KATNAL2: variants seen among roughly 807,000 people sequenced by gnomAD.
KATNAL2 encodes katanin p60 ATPase-containing subunit A-like 2.
Under a neutral mutation model 76.3 loss-of-function variants are expected in KATNAL2, and 52 were observed. The observed-to-expected ratio is 0.68, with a 90% CI of 0.55 to 0.86. KATNAL2 has a LOEUF of 0.86. Among genes scored for constraint, KATNAL2 ranks in the 40% least tolerant of loss-of-function variants. The probability of loss-of-function intolerance (pLI) is 0.00; values close to 1 mark genes in which losing one functional copy is unlikely to be tolerated. For synonymous variants in KATNAL2, 243 were observed against 244.2 expected (o/e 1.00, Z 0.05); for missense variants, 660 against 668.9 (o/e 0.99, Z 0.15).
At chr18:47,067,229 G>A (rs997264301) in intron 11 of KATNAL2, 110 bp downstream of exon 11, 14 of 472,572 alleles carry the variant, frequency 3.0e-5, no homozygotes, top group South Asian at 4.4e-5. Context: ...CTGTCCACAC[G>A]TTAACTCTTT....
chr18:46,960,616 A>T (rs1361593772), intron 3 of KATNAL2, among the ~76,000 whole-genome samples: 1 of 152,184 alleles, frequency 6.6e-6, no homozygotes. Context: ...AAAACATATG[A>T]AGCTGCTCTC....
intron 15 of KATNAL2, among the ~76,000 whole-genome samples, chr18:47,088,777 TA>T (rs1342161888): frequency 6.6e-6 from 1 of 152,238 alleles, no homozygotes; most frequent in East Asian, 1.9e-4. Context: ...AAGTTGTCTC[TA>T]TCTGTGGGAT....
In KATNAL2 at chr18:46,921,651, A is replaced by G. The variant is rs1599281023; in HGVS notation, c.-510+3725A>G. On this transcript the variant is annotated intron_variant, in intron 1 of 17. Transcript: ENST00000683218. ...GATGGTAAATTTTTTGTATCTAAACAGCTAAGCTGATTTTGAATCTAAACA... is the reference window on the plus strand; with the variant it reads ...GATGGTAAATTTTTTGTATCTAAACGGCTAAGCTGATTTTGAATCTAAACA... Among the ~76,000 whole-genome samples the G allele has an allele frequency of 2.0e-5, 3 of 152,212 alleles. No homozygotes were observed. In the East Asian group the frequency reaches 5.8e-4, roughly 29 times the overall value.
intron 15 of KATNAL2, among the ~76,000 whole-genome samples, chr18:47,080,096 T>A (rs779512865): frequency 7.9e-5 from 12 of 152,178 alleles, no homozygotes; most frequent in Non-Finnish European, 1.6e-4. Flanking sequence ...TAACAGAACT[T>A]TCCCTCTTCC....
At chr18:47,074,352 AACC>A (rs1330837609) in intron 13 of KATNAL2, among the ~76,000 whole-genome samples, 1 of 152,168 alleles carries the variant, frequency 6.6e-6, no homozygotes, top group Non-Finnish European at 1.5e-5. Context: ...TGAAAACCAC[AACC>A]TGACTTTTTC....
At chr18:47,099,467 A>C in intron 16 of KATNAL2, 62 bp downstream of exon 16, 1 of 1,447,824 alleles carries the variant, frequency 6.9e-7, no homozygotes, top group Non-Finnish European at 9.3e-7. Flanking sequence ...CATCTTGTAG[A>C]CCAGGTCTTA....
chr18:46,955,215 GTCTT>G (rs1160991029), intron 3 of KATNAL2, among the ~76,000 whole-genome samples: 18 of 77,298 alleles, frequency 2.3e-4, no homozygotes, highest in African/African-American at 3.8e-4. Context: ...CTCTCTCTCT[GTCTT>G]TCTTTTTTTT....
chr18:47,068,352 C>T (rs1261540831), intron 11 of KATNAL2, among the ~76,000 whole-genome samples: 3 of 152,208 alleles, frequency 2.0e-5, no homozygotes, highest in South Asian at 2.1e-4. Flanking sequence ...AAAATCAATA[C>T]ATTTGGATTC....
chr18:47,066,953 C>T lies in KATNAL2; in HGVS notation c.727-68C>T. 3 of 746,538 alleles carry T rather than the reference C, an allele frequency of 4.0e-6. No individual in the cohort carries two copies. The East Asian group carries it at 9.4e-5, about 23-fold the overall frequency. The allele number at this position is 746,538 out of a possible 1,614,324, so 46.2% of individuals were successfully genotyped here. ...CTATTGTAAGTCAAGTATTCTGCTG[C>T]TCCCAAGTTTATTACAGCTGTAGAG... On this transcript the variant is annotated intron_variant, in intron 10 of 17. Coordinates refer to ENST00000683218, the MANE Select transcript of KATNAL2 (RefSeq NM_001387690.1).
intron 15 of KATNAL2, among the ~76,000 whole-genome samples, chr18:47,090,710 G>T (rs2062964086): frequency 6.6e-6 from 1 of 152,178 alleles, no homozygotes; most frequent in African/African-American, 2.4e-5. Context: ...CTCGACTTTT[G>T]ATAGACAAAG....
chr18:47,034,697 C>A (rs761977562), intron 3 of KATNAL2: 1 of 1,612,960 alleles, frequency 6.2e-7, no homozygotes, highest in South Asian at 1.1e-5. Context: ...GGTTGCTTCC[C>A]GGGCGCAGCG....
chr18:47,096,519 G>A (rs1378452579), intron 15 of KATNAL2, among the ~76,000 whole-genome samples: 1 of 151,858 alleles, frequency 6.6e-6, no homozygotes, highest in Non-Finnish European at 1.5e-5. Context: ...TTTTTATATT[G>A]TGCAGAGACG....
chr18:47,051,156 G>A (rs1348032321), intron 4 of KATNAL2, among the ~76,000 whole-genome samples: 1 of 152,034 alleles, frequency 6.6e-6, no homozygotes, highest in Admixed American at 6.6e-5. Flanking sequence ...AATCTCTAGC[G>A]GCTCCTCCTG....
In KATNAL2 at chr18:46,946,502, T is replaced by A. The variant is rs1329657515; in HGVS notation, c.-64T>A. On this transcript the variant is annotated 5_prime_UTR_variant, in exon 2 of 18. Coordinates refer to ENST00000683218, the MANE Select transcript of KATNAL2 (RefSeq NM_001387690.1). Reference sequence around the variant, plus strand: ...TAGTCTTGGGTATAGAAGCATTGGGTCGCAAAGACCTGAACAACGGCTGAA... The same window carrying A: ...TAGTCTTGGGTATAGAAGCATTGGGACGCAAAGACCTGAACAACGGCTGAA... 1.0e-6 allele frequency: 1 copy of A among 985,288 alleles called. No homozygotes were observed. The highest frequency in any genetic ancestry group is 1.1e-4 in the East Asian group (1 of 8,828). The allele number at this position is 985,288 out of a possible 1,614,324, so 61.0% of individuals were successfully genotyped here.
intron 15 of KATNAL2, among the ~76,000 whole-genome samples, chr18:47,084,598 C>A (rs2062683200): frequency 6.6e-6 from 1 of 151,958 alleles, no homozygotes; most frequent in Non-Finnish European, 1.5e-5. Context: ...CCTGTAATCC[C>A]AGCACTTTGG....
At chr18:47,053,647 G>A (rs2061396191) in intron 5 of KATNAL2, among the ~76,000 whole-genome samples, 1 of 152,184 alleles carries the variant, frequency 6.6e-6, no homozygotes, top group South Asian at 2.1e-4. Context: ...TAAACCAAGG[G>A]AGATCATTGT....
At chr18:47,033,059 C>A in intron 3 of KATNAL2, 1 of 1,614,138 alleles carries the variant, frequency 6.2e-7, no homozygotes, top group Non-Finnish European at 8.5e-7. Flanking sequence ...ATCAGCGGGG[C>A]CACTTTCTTG....
At chr18:47,081,526 T>C (rs888486981) in intron 15 of KATNAL2, among the ~76,000 whole-genome samples, 1 of 152,214 alleles carries the variant, frequency 6.6e-6, no homozygotes, top group Admixed American at 6.5e-5. Context: ...TTGGAATAAC[T>C]GGGTTTCAAT....
At chr18:47,033,681 C>T (rs752339956) in intron 3 of KATNAL2, 3 of 1,614,200 alleles carry the variant, frequency 1.9e-6, no homozygotes, top group South Asian at 1.1e-5. Context: ...GCTGGCGCAG[C>T]GTCGGCACCT....
Sources: gnomAD v4.1 joint callset for allele counts (sites outside exome capture counted in the v4.1 genomes callset) on GRCh38, gnomAD v4.1.1 for gene constraint, MANE v1.5 for transcripts, NCBI Gene and HGNC (gene_info 2026-07-23, HGNC 2026-07-21) for gene names.